XRCC4: variants seen among roughly 807,000 people sequenced by gnomAD.
XRCC4 encodes the protein DNA repair protein XRCC4.
XRCC4 carries 28 observed loss-of-function variants against 39.1 expected under a neutral mutation model. That is an observed-to-expected ratio of 0.72 (90% confidence interval 0.53 to 0.98). The LOEUF is 0.98. Among genes scored for constraint, XRCC4 ranks in the 50% least tolerant of loss-of-function variants. XRCC4 has a pLI of 0.00. For missense variants in XRCC4, 350 were observed against 376.4 expected, an observed-to-expected ratio of 0.93 and a Z score of 0.58; for synonymous variants, 123 against 126.4, an observed-to-expected ratio of 0.97 and a Z score of 0.18.
chr5:83,324,949 G>C (rs940492973), intron 7 of XRCC4, among the ~76,000 whole-genome samples: 2 of 152,128 alleles, frequency 1.3e-5, no homozygotes, highest in Admixed American at 6.6e-5. Context: ...TGATCATGTA[G>C]AATGGACGGC....
intron 1 of XRCC4, among the ~76,000 whole-genome samples, chr5:83,095,348 G>A (rs554940812): frequency 1.1e-4 from 16 of 152,302 alleles, no homozygotes; most frequent in Non-Finnish European, 1.8e-4. Context: ...AGTTGGACAG[G>A]GTTGCAGGAG....
intron 3 of XRCC4, among the ~76,000 whole-genome samples, chr5:83,185,472 G>A (rs1750397317): frequency 1.3e-5 from 2 of 150,444 alleles, no homozygotes; most frequent in Admixed American, 6.6e-5. Context: ...AAGTATACAT[G>A]TGTGAAACCA....
chr5:83,296,688 A>C (rs1755106700), intron 7 of XRCC4, among the ~76,000 whole-genome samples: 1 of 152,076 alleles, frequency 6.6e-6, no homozygotes, highest in Non-Finnish European at 1.5e-5. Flanking sequence ...AAGAAGAGCA[A>C]TAAATTAAAA....
intron 7 of XRCC4, among the ~76,000 whole-genome samples, chr5:83,299,537 A>ATATC (rs1310387029): frequency 6.6e-6 from 1 of 151,870 alleles, no homozygotes; most frequent in Non-Finnish European, 1.5e-5. Flanking sequence ...GACTTATGTT[A>ATATC]TATCTTCTCA....
At position 83,162,349 on chromosome 5, in the gene XRCC4, T is replaced by G. The variant is rs181036994; in HGVS notation, c.316-33421T>G. On this transcript the variant is annotated intron_variant, in intron 3 of 7. Transcript: ENST00000396027. ...CTGTTGTCATTTTTAACTGAATAAC[T>G]AAACTTATTAAACTTCAGTGAGTTA... Among the ~76,000 whole-genome samples, 130 of 152,280 alleles carry G rather than the reference T, an allele frequency of 8.5e-4. No homozygotes were observed. In the Middle Eastern group the frequency reaches 0.01, roughly 12 times the overall value.
intron 3 of XRCC4, among the ~76,000 whole-genome samples, chr5:83,175,487 A>G (rs1749911047): frequency 6.6e-6 from 1 of 152,224 alleles, no homozygotes. Flanking sequence ...AATTCAAGTT[A>G]TTTTGACCAT....
At chr5:83,082,980 G>C (rs909692093) in intron 1 of XRCC4, among the ~76,000 whole-genome samples, 3 of 149,082 alleles carry the variant, frequency 2.0e-5, no homozygotes, top group Admixed American at 1.4e-4. Flanking sequence ...TGCACTGACT[G>C]CTGCTTCTTT....
At chr5:83,210,936 A>C (rs1469072197) in intron 6 of XRCC4, among the ~76,000 whole-genome samples, 1 of 152,286 alleles carries the variant, frequency 6.6e-6, no homozygotes, top group Admixed American at 6.5e-5. Flanking sequence ...TATAACTTTG[A>C]TATGACCTCC....
intron 6 of XRCC4, among the ~76,000 whole-genome samples, chr5:83,223,304 G>A (rs1752157874): frequency 6.6e-6 from 1 of 151,904 alleles, no homozygotes; most frequent in Admixed American, 6.6e-5. Context: ...ATCCTTTTCA[G>A]GATACAGTTC....
intron 1 of XRCC4, among the ~76,000 whole-genome samples, chr5:83,099,078 CA>C (rs1391698513): frequency 2.6e-5 from 4 of 152,202 alleles, no homozygotes; most frequent in Non-Finnish European, 5.9e-5. Context: ...TAAGGTCAAA[CA>C]AAATAATGTA....
intron 3 of XRCC4, among the ~76,000 whole-genome samples, chr5:83,112,170 TTATA>T (rs1746473834): frequency 6.6e-6 from 1 of 152,168 alleles, no homozygotes; most frequent in Admixed American, 6.5e-5. Context: ...AGCTGCCAAT[TTATA>T]TAAGTTTCAA....
chr5:83,156,626 C>T (rs1446259185), intron 3 of XRCC4, among the ~76,000 whole-genome samples: 4 of 152,120 alleles, frequency 2.6e-5, no homozygotes, highest in African/African-American at 9.6e-5. Flanking sequence ...TATTAGCCAG[C>T]ATAAATGGAG....
intron 7 of XRCC4, among the ~76,000 whole-genome samples, chr5:83,272,112 A>G (rs1754163415): frequency 6.6e-6 from 1 of 152,182 alleles, no homozygotes; most frequent in African/African-American, 2.4e-5. Flanking sequence ...AAACTCTATC[A>G]CTAAATTAGA....
At chr5:83,372,969 T>C in the XRCC4 span, among the ~76,000 whole-genome samples, 21 of 152,332 alleles carry the variant, frequency 1.4e-4, no homozygotes, top group Non-Finnish European at 2.1e-4. Context: ...TCTTAGTCCA[T>C]GCTCAATAGC....
chr5:83,322,515 C>G (rs915730481), intron 7 of XRCC4, among the ~76,000 whole-genome samples: 2 of 152,132 alleles, frequency 1.3e-5, no homozygotes, highest in Admixed American at 6.6e-5. Context: ...CCGCCGCATG[C>G]GCATGTCCTA....
chr5:83,254,488 G>A (rs1431961892), intron 6 of XRCC4, among the ~76,000 whole-genome samples: 3 of 151,892 alleles, frequency 2.0e-5, no homozygotes, highest in Admixed American at 6.6e-5. Context: ...CACTTAATAC[G>A]AATTGATTTT....
chr5:83,342,238 A>C lies in XRCC4; in HGVS notation c.894-10893A>C, dbSNP rs147351120. Among the ~76,000 whole-genome samples the C allele has an allele frequency of 4.5e-3, 686 of 152,310 alleles. 8 individuals carry two copies. Among genetic ancestry groups the C allele is most frequent in the African/African-American group, 0.015 (640 of 41,576 alleles). On this transcript the variant is annotated intron_variant, in intron 7 of 7. Coordinates refer to ENST00000396027, the MANE Select transcript of XRCC4 (RefSeq NM_003401.5). ...GTAACAAAATCTTTAGTCATTATGA[A>C]ATTATAACATTTCTGTGTAAGTGGC...
intron 7 of XRCC4, among the ~76,000 whole-genome samples, chr5:83,343,764 G>A (rs995233560): frequency 8.5e-5 from 13 of 152,204 alleles, no homozygotes; most frequent in African/African-American, 2.6e-4. Context: ...TTCTCTGGGT[G>A]ATCATTTCAA....
chr5:83,150,700 T>G (rs1422503628), intron 3 of XRCC4, among the ~76,000 whole-genome samples: 2 of 152,146 alleles, frequency 1.3e-5, no homozygotes, highest in African/African-American at 4.8e-5. Flanking sequence ...ATTCCAAAAA[T>G]GTATCCTAGC....
Sources: allele counts gnomAD v4.1 joint callset (sites outside exome capture counted in the v4.1 genomes callset), GRCh38; gene constraint gnomAD v4.1.1; transcripts MANE v1.5; gene names NCBI Gene and HGNC (gene_info 2026-07-23, HGNC 2026-07-21).